PSEN2: variants seen among roughly 807,000 people sequenced by gnomAD.
The protein encoded by PSEN2 is presenilin-2.
Under a neutral mutation model 49.1 loss-of-function variants are expected in PSEN2, and 32 were observed. That is an observed-to-expected ratio of 0.65 (90% CI 0.49 to 0.88). PSEN2 has a LOEUF of 0.88. Ranked by LOEUF, PSEN2 falls within the 40% of genes least tolerant of loss-of-function variation. The pLI is 0.00. For synonymous variants in PSEN2, 255 were observed against 244.0 expected (o/e 1.05, Z -0.42); for missense variants, 522 against 586.9 (o/e 0.89, Z 1.14).
intron 12 of PSEN2, among the ~76,000 whole-genome samples, chr1:226,894,854 A>G (rs181544023): frequency 1.3e-5 from 2 of 152,304 alleles, no homozygotes; most frequent in African/African-American, 2.4e-5. Flanking sequence ...TGGTGGACCC[A>G]GGCTCCTCCA....
chr1:226,884,835 C>T (rs996231350), intron 5 of PSEN2, among the ~76,000 whole-genome samples: 1 of 152,060 alleles, frequency 6.6e-6, no homozygotes, highest in African/African-American at 2.4e-5. Context: ...AACACCTGAG[C>T]CCAGAAGTCG....
intron 5 of PSEN2, among the ~76,000 whole-genome samples, chr1:226,885,001 G>A (rs1661259422): frequency 6.6e-6 from 1 of 152,166 alleles, no homozygotes; most frequent in African/African-American, 2.4e-5. Flanking sequence ...ACAGGTGAAA[G>A]CATGGAGAGA....
At chr1:226,879,436 C>T (rs1244997972) in intron 3 of PSEN2, among the ~76,000 whole-genome samples, 1 of 152,152 alleles carries the variant, frequency 6.6e-6, no homozygotes, top group Non-Finnish European at 1.5e-5. Context: ...CATCTTCCTC[C>T]TGGTCAGAAA....
intron 2 of PSEN2, among the ~76,000 whole-genome samples, chr1:226,874,625 C>A (rs935864671): frequency 6.6e-6 from 1 of 152,220 alleles, no homozygotes; most frequent in Admixed American, 6.5e-5. Flanking sequence ...CTACCGTGTC[C>A]TTTCTCACTG....
chr1:226,901,403 T>C (rs1185905001), downstream of PSEN2, among the ~76,000 whole-genome samples: 1 of 137,494 alleles, frequency 7.3e-6, no homozygotes, highest in Non-Finnish European at 1.5e-5. Flanking sequence ...GCCATTGCAC[T>C]CCAGCCTGTG....
intron 8 of PSEN2, 45 bp downstream of exon 8, chr1:226,889,094 A>G (rs1232875054): frequency 6.4e-7 from 1 of 1,554,430 alleles, no homozygotes; most frequent in Non-Finnish European, 8.8e-7. Context: ...GGCGATGTCC[A>G]GGGCCAAATC....
rs1231011539 is a variant in PSEN2, at chr1:226,883,902, A to G, written c.339A>G (p.Thr113=). 7.1e-7 allele frequency: 1 copy of G among 1,404,652 alleles called. No homozygotes were observed. Among genetic ancestry groups the G allele is most frequent in the Admixed American group, 1.9e-5 (1 of 52,404 alleles). The allele number at this position is 1,404,652 out of a possible 1,614,324, so 87.0% of individuals were successfully genotyped here. A position where few individuals can be genotyped will look rare whatever the true frequency, so the allele number is the denominator to read the frequency against. Residue 113 remains threonine, a synonymous_variant, in exon 5 of 13, where the codon ACA becomes ACG. Coordinates refer to ENST00000366783, the MANE Select transcript of PSEN2 (RefSeq NM_000447.3). The part of the protein sequence containing the change: ...VATIKSVRFY[T]EKNGQLIYTP... ...CCATCAAGTCTGTGCGCTTCTACAC[A>G]GAGAAGAATGGACAGCTGTGAGTTG...
At chr1:226,878,251 T>C (rs1300177356) in intron 3 of PSEN2, among the ~76,000 whole-genome samples, 1 of 152,120 alleles carries the variant, frequency 6.6e-6, no homozygotes, top group Non-Finnish European at 1.5e-5. Flanking sequence ...AGCTAATTTT[T>C]GTATTTTTAT....
chr1:226,891,080 A>G (rs1357884058), intron 9 of PSEN2, 198 bp from the exon 10 acceptor site: 2 of 607,790 alleles, frequency 3.3e-6, no homozygotes, highest in Admixed American at 2.6e-5. Context: ...ACAAACAGTA[A>G]CAGAATAGAC....
Position 226,895,869 on chromosome 1 carries a change from A to T in PSEN2, c.*290A>T, listed in dbSNP as rs201605500. ...TAGGGCGGGGAGAAGAGCATCCGGC[A>T]TGAGGGCTGAGATGCGCAAAGAGTG... is the stretch of plus-strand genomic sequence containing the variant. On this transcript the variant is annotated 3_prime_UTR_variant, in exon 13 of 13. Coordinates refer to ENST00000366783, the MANE Select transcript of PSEN2 (RefSeq NM_000447.3). The T allele has an allele frequency of 2.9e-5, 14 of 490,984 alleles. No individual in the cohort carries two copies. The highest frequency in any genetic ancestry group is 4.8e-5 in the Non-Finnish European group (13 of 268,834). 30.4% of individuals were successfully genotyped at this position (490,984 alleles called of 1,614,324 possible).
At chr1:226,882,614 C>G (rs140221267) in intron 4 of PSEN2, among the ~76,000 whole-genome samples, 2 of 152,306 alleles carry the variant, frequency 1.3e-5, no homozygotes, top group African/African-American at 4.8e-5. Context: ...CTGAATTTGC[C>G]TGAACCCTGT....
chr1:226,889,357 A>G (rs1333437319), intron 8 of PSEN2, among the ~76,000 whole-genome samples: 1 of 151,816 alleles, frequency 6.6e-6, no homozygotes, highest in Non-Finnish European at 1.5e-5. Context: ...GCTGACTGCA[A>G]CCTCCGCCTC....
At chr1:226,880,785 G>A (rs1259150829) in intron 3 of PSEN2, 3 of 1,608,308 alleles carry the variant, frequency 1.9e-6, no homozygotes, top group South Asian at 1.1e-5. Flanking sequence ...TGTTTTAGGG[G>A]GCAGGCTTCC....
At chr1:226,896,619 C>T (rs777279082), downstream of PSEN2, among the ~76,000 whole-genome samples, 4 of 151,984 alleles carry the variant, frequency 2.6e-5, no homozygotes, top group Non-Finnish European at 4.4e-5. Flanking sequence ...CCCAATACTT[C>T]GGGAGGTCGA....
chr1:226,878,795 A>G (rs1306722261), intron 3 of PSEN2, among the ~76,000 whole-genome samples: 1 of 152,214 alleles, frequency 6.6e-6, no homozygotes, highest in Non-Finnish European at 1.5e-5. Context: ...GTATTAAAAG[A>G]GCCACCTGTA....
chr1:226,887,731 A>G (rs1465579207), intron 6 of PSEN2, among the ~76,000 whole-genome samples: 1 of 152,184 alleles, frequency 6.6e-6, no homozygotes, highest in East Asian at 1.9e-4. Context: ...CTGGAACACA[A>G]TGCCCGTGGG....
chr1:226,895,468 G>A lies in PSEN2; in HGVS notation c.1236G>A (p.Ala412=), dbSNP rs201982084. ...TGCTGCTTGCTGTGTTCAAGAAGGC[G>A]CTGCCCGCCCTCCCCATCTCCATCA... ...TLLLLAVFKK[A]LPALPISITF... The change falls in exon 13 of 13, where the codon GCG becomes GCA. Residue 412 remains alanine, a synonymous_variant. Coordinates refer to ENST00000366783, the MANE Select transcript of PSEN2 (RefSeq NM_000447.3). 107 of 1,613,878 alleles carry A rather than the reference G, an allele frequency of 6.6e-5. No individual in the cohort carries two copies. Among genetic ancestry groups the A allele is most frequent in the Middle Eastern group, 1.6e-4 (1 of 6,084 alleles).
chr1:226,893,302 A>G (rs1437675541), intron 11 of PSEN2, among the ~76,000 whole-genome samples: 1 of 152,196 alleles, frequency 6.6e-6, no homozygotes. Context: ...AGTAATGCTG[A>G]TGGATCACAC....
chr1:226,876,504 C>T (rs993000714), intron 3 of PSEN2, among the ~76,000 whole-genome samples: 2 of 152,138 alleles, frequency 1.3e-5, no homozygotes, highest in Non-Finnish European at 2.9e-5. Context: ...CTAAAATAAA[C>T]CCTACAGATA....
Sources: gnomAD v4.1 joint callset for allele counts (sites outside exome capture counted in the v4.1 genomes callset) on GRCh38, gnomAD v4.1.1 for gene constraint, MANE v1.5 for transcripts, NCBI Gene and HGNC (gene_info 2026-07-23, HGNC 2026-07-21) for gene names.